The following BAZ2B variants were observed in gnomAD, a reference collection of about 807,000 sequenced individuals.
The protein encoded by BAZ2B is bromodomain adjacent to zinc finger domain 2B, also known as bromodomain adjacent to zinc finger domain protein 2B.
A neutral mutation model predicts 246.0 loss-of-function variants in BAZ2B; 91 were observed. That is an observed-to-expected ratio of 0.37 (90% CI 0.31 to 0.44). The LOEUF is 0.44. BAZ2B is among the 20% of genes least tolerant of loss of function. BAZ2B has a pLI of 1.00. For missense variants in BAZ2B, 2,332 were observed against 2,533.7 expected (o/e 0.92, Z 1.71); for synonymous variants, 855 against 860.0 (o/e 0.99, Z 0.10).
intron 2 of BAZ2B, among the ~76,000 whole-genome samples, chr2:159,552,772 G>GT (rs2088471562): frequency 6.6e-6 from 1 of 152,038 alleles, no homozygotes; most frequent in African/African-American, 2.4e-5. Context: ...GCTGAGTATC[G>GT]TAAGATGTGT....
At chr2:159,581,399 G>A (rs1047179188) in intron 1 of BAZ2B, among the ~76,000 whole-genome samples, 32 of 152,072 alleles carry the variant, frequency 2.1e-4, no homozygotes, top group African/African-American at 5.3e-4. Flanking sequence ...TTAGAATGGC[G>A]ATCATTAAAA....
the BAZ2B span, among the ~76,000 whole-genome samples, chr2:159,699,429 T>C: frequency 2.0e-5 from 3 of 151,896 alleles, no homozygotes; most frequent in Admixed American, 6.6e-5. Flanking sequence ...CCTAGGTACT[T>C]TGGAAGCTGA....
intron 2 of BAZ2B, among the ~76,000 whole-genome samples, chr2:159,534,139 T>C (rs1162080949): frequency 6.6e-6 from 1 of 152,186 alleles, no homozygotes; most frequent in Non-Finnish European, 1.5e-5. Context: ...GGGGGACTTA[T>C]AAAGTGTGTT....
At chr2:159,696,846 C>T in the BAZ2B span, among the ~76,000 whole-genome samples, 6 of 152,138 alleles carry the variant, frequency 3.9e-5, no homozygotes, top group East Asian at 3.9e-4. Flanking sequence ...AGTGCAGTGG[C>T]GCCATCTCGG....
intron 16 of BAZ2B, among the ~76,000 whole-genome samples, chr2:159,401,209 C>A (rs2065011170): frequency 6.6e-6 from 1 of 152,052 alleles, no homozygotes; most frequent in Admixed American, 6.6e-5. Context: ...CTCAGTGAAC[C>A]AAGCTGATTA....
chr2:159,336,862 A>G, intron 33 of BAZ2B, 80 bp downstream of exon 33: 2 of 1,243,124 alleles, frequency 1.6e-6, no homozygotes, highest in Admixed American at 2.6e-5. Context: ...TAGGTAATGT[A>G]TAATTAAGAA....
intron 6 of BAZ2B, among the ~76,000 whole-genome samples, chr2:159,440,477 G>A (rs961286484): frequency 6.6e-6 from 1 of 150,422 alleles, no homozygotes; most frequent in African/African-American, 2.4e-5. Context: ...TGAGTGAGGA[G>A]AGTCACTCCC....
chr2:159,630,062 T>C, the BAZ2B span, among the ~76,000 whole-genome samples: 1 of 152,036 alleles, frequency 6.6e-6, no homozygotes, highest in Non-Finnish European at 1.5e-5. Context: ...GTAGTAAAAA[T>C]AGGAACAGTA....
the BAZ2B span, among the ~76,000 whole-genome samples, chr2:159,685,182 CT>C: frequency 6.6e-6 from 1 of 152,050 alleles, no homozygotes; most frequent in Non-Finnish European, 1.5e-5. Flanking sequence ...GTGTTTCCAC[CT>C]TATGGAAAAA....
chr2:159,404,920 A>G lies in BAZ2B; in HGVS notation c.2771-10T>C. The stretch of plus-strand genomic sequence containing the variant: ...TCAGCAGCCATTATTGCTACAAGAA[A>G]CCAAAGGATAGATATCATCAAAAAG... On this transcript the variant is annotated splice_polypyrimidine_tract_variant and intron_variant, in intron 15 of 36. Coordinates refer to ENST00000392783, the MANE Select transcript of BAZ2B (RefSeq NM_013450.4). 1 of 1,613,616 alleles carries G rather than the reference A, an allele frequency of 6.2e-7. No homozygotes were observed. The highest frequency in any genetic ancestry group is 8.5e-7 in the Non-Finnish European group (1 of 1,179,872).
intron 2 of BAZ2B, among the ~76,000 whole-genome samples, chr2:159,497,345 G>T (rs1207593863): frequency 6.6e-6 from 1 of 152,316 alleles, no homozygotes; most frequent in East Asian, 1.9e-4. Flanking sequence ...CATCCAGGAA[G>T]TAGGAAGGTC....
intron 1 of BAZ2B, among the ~76,000 whole-genome samples, chr2:159,614,284 A>C (rs1695366037): frequency 7.5e-6 from 1 of 132,616 alleles, no homozygotes; most frequent in African/African-American, 2.4e-5. Context: ...TTATCTGTTC[A>C]TAATGGCTGA....
Position 159,441,402 on chromosome 2 carries a change from G to A in BAZ2B, c.697-2190C>T, listed in dbSNP as rs1166428966. Among the ~76,000 whole-genome samples the A allele has an allele frequency of 2.0e-5, 3 of 152,122 alleles. No homozygotes were observed. In the East Asian group the frequency reaches 5.8e-4, roughly 29 times the overall value. On this transcript the variant is annotated intron_variant, in intron 6 of 36. Transcript: ENST00000392783. ...GGGCACTTAATGTGATTCTGATGCA[G>A]GGAGTCTCTGCCGAGCATACTTTGG...
At chr2:159,399,456 T>C (rs1457815511) in intron 17 of BAZ2B, among the ~76,000 whole-genome samples, 2 of 152,038 alleles carry the variant, frequency 1.3e-5, no homozygotes, top group African/African-American at 4.8e-5. Context: ...CATCTCTGTA[T>C]AGTGTGGTTA....
rs1201086259 is a variant in BAZ2B at position 159,400,670 on chromosome 2, G to A, written c.2833-6C>T. On this transcript the variant is annotated splice_region_variant and splice_polypyrimidine_tract_variant and intron_variant, in intron 16 of 36. Coordinates refer to ENST00000392783, the MANE Select transcript of BAZ2B (RefSeq NM_013450.4). ...TGTATTCTCTTAATTTTTTCCTGTA[G>A]GAAAAGTTATGATAACTTGAGATAA... 1 of 1,506,176 alleles carries A rather than the reference G, an allele frequency of 6.6e-7. No homozygotes were observed. Among genetic ancestry groups the A allele is most frequent in the Non-Finnish European group, 9.1e-7 (1 of 1,095,966 alleles). 93.3% of individuals were successfully genotyped at this position (1,506,176 alleles called of 1,614,324 possible).
rs370547626 is a variant in BAZ2B at position 159,438,380 on chromosome 2, G to A, written c.1216C>T (p.Pro406Ser). 27 of 1,613,960 alleles carry A rather than the reference G, an allele frequency of 1.7e-5. No homozygotes were observed. The highest frequency in any genetic ancestry group is 6.7e-5 in the Admixed American group (4 of 60,000). The change falls in exon 8 of 37, where the codon CCT becomes TCT. Residue 406 changes from proline to serine, a missense_variant. Physicochemically the swap from Pro to Ser is moderately conservative, Grantham distance 74. Coordinates refer to ENST00000392783, the MANE Select transcript of BAZ2B (RefSeq NM_013450.4). ...TTATTCCCTGCTTTAAGAACATCAG[G>A]AGAAGGAACTATGAGTTTCATGTAA... ...ETYMKLIVPS[P>S]DVLKAGNKNT...
At chr2:159,707,397 T>C in the BAZ2B span, among the ~76,000 whole-genome samples, 1 of 151,600 alleles carries the variant, frequency 6.6e-6, no homozygotes, top group Admixed American at 6.6e-5. Context: ...AAAAAAATAA[T>C]TATAATAATA....
At chr2:159,378,158 T>C (rs1448946331) in intron 25 of BAZ2B, among the ~76,000 whole-genome samples, 6 of 152,216 alleles carry the variant, frequency 3.9e-5, no homozygotes, top group Non-Finnish European at 8.8e-5. Flanking sequence ...ATTCCTGCTA[T>C]GGAAACAGCT....
chr2:159,532,148 A>T (rs1403483763), intron 2 of BAZ2B, among the ~76,000 whole-genome samples: 2 of 152,200 alleles, frequency 1.3e-5, no homozygotes, highest in African/African-American at 4.8e-5. Context: ...ACAATGAAGA[A>T]ATATTGATAA....
Sources: allele counts gnomAD v4.1 joint callset (sites outside exome capture counted in the v4.1 genomes callset), GRCh38; gene constraint gnomAD v4.1.1; transcripts MANE v1.5; gene names NCBI Gene and HGNC (gene_info 2026-07-23, HGNC 2026-07-21).